ITGBL1: variants seen among roughly 807,000 people sequenced by gnomAD.
ITGBL1 encodes the protein integrin subunit beta like 1.
A neutral mutation model predicts 68.5 loss-of-function variants in ITGBL1; 51 were observed. The ratio of observed to expected loss-of-function variants is 0.74; its 90% CI spans 0.59 to 0.94. The LOEUF (loss-of-function observed/expected upper bound fraction) is 0.94. Among genes scored for constraint, ITGBL1 ranks in the 40% least tolerant of loss-of-function variants. The pLI, the probability that ITGBL1 is intolerant of heterozygous loss-of-function variation, is 0.00. For missense variants in ITGBL1, 649 were observed against 647.4 expected (o/e 1.00, Z -0.03); for synonymous variants, 209 against 227.3 (o/e 0.92, Z 0.72).
intron 7 of ITGBL1, among the ~76,000 whole-genome samples, chr13:101,625,897 C>T (rs2139397740): frequency 6.6e-6 from 1 of 152,298 alleles, no homozygotes; most frequent in African/African-American, 2.4e-5. Flanking sequence ...GCGTTAGACA[C>T]TGTTCTAAAG....
intron 2 of ITGBL1, among the ~76,000 whole-genome samples, chr13:101,537,953 A>T (rs146583360): frequency 1.2e-3 from 180 of 152,218 alleles, no homozygotes; most frequent in Middle Eastern, 6.8e-3. Context: ...ACATAGATTA[A>T]AAACTATGTT....
intron 7 of ITGBL1, among the ~76,000 whole-genome samples, chr13:101,654,362 G>A (rs1424355880): frequency 6.6e-6 from 1 of 152,160 alleles, no homozygotes; most frequent in Non-Finnish European, 1.5e-5. Flanking sequence ...GATGCCTCCA[G>A]GGACCCGAAG....
At chr13:101,596,486 T>G (rs1189682986) in intron 6 of ITGBL1, among the ~76,000 whole-genome samples, 1 of 152,168 alleles carries the variant, frequency 6.6e-6, no homozygotes, top group Non-Finnish European at 1.5e-5. Flanking sequence ...ATGTTTATTA[T>G]CTTGGTTGTG....
chr13:101,531,700 G>GTTATTTATTTTGTTAT (rs1428797895), intron 2 of ITGBL1, among the ~76,000 whole-genome samples: 155 of 140,044 alleles, frequency 1.1e-3, no homozygotes, highest in African/African-American at 1.6e-3. Flanking sequence ...TTTTTATTTT[G>GTTATTTATTTTGTTAT]TTATTTATTT....
intron 8 of ITGBL1, among the ~76,000 whole-genome samples, chr13:101,703,042 C>T (rs1041175564): frequency 6.6e-6 from 1 of 152,126 alleles, no homozygotes; most frequent in Non-Finnish European, 1.5e-5. Flanking sequence ...GTGTCTCAGG[C>T]ATTGTGTTAG....
chr13:101,602,239 C>A (rs1196323644), intron 7 of ITGBL1, among the ~76,000 whole-genome samples: 1 of 151,982 alleles, frequency 6.6e-6, no homozygotes, highest in Non-Finnish European at 1.5e-5. Context: ...TTTGAAAATT[C>A]ATTGTATAAA....
intron 8 of ITGBL1, among the ~76,000 whole-genome samples, chr13:101,701,552 A>G (rs912412295): frequency 6.6e-6 from 1 of 152,024 alleles, no homozygotes; most frequent in Non-Finnish European, 1.5e-5. Flanking sequence ...TAAAATAATA[A>G]TAAATAAATA....
chr13:101,580,295 G>A (rs2050433616), intron 5 of ITGBL1, among the ~76,000 whole-genome samples: 1 of 152,060 alleles, frequency 6.6e-6, no homozygotes, highest in Admixed American at 6.6e-5. Flanking sequence ...GTCAGAAATT[G>A]ACATAGAGGA....
At chr13:101,637,364 G>GAAATT (rs2032205488) in intron 7 of ITGBL1, among the ~76,000 whole-genome samples, 1 of 127,758 alleles carries the variant, frequency 7.8e-6, no homozygotes, top group Admixed American at 8.2e-5. Flanking sequence ...TTTTTTTTGA[G>GAAATT]ACAGAGTCTC....
chr13:101,495,581 A>G (rs1349956205), intron 2 of ITGBL1, among the ~76,000 whole-genome samples: 2 of 148,210 alleles, frequency 1.3e-5, no homozygotes, highest in South Asian at 2.1e-4. Flanking sequence ...GGGTCCCCAC[A>G]CTTTTTTTTT....
chr13:101,515,257 A>G (rs915829042), intron 2 of ITGBL1, among the ~76,000 whole-genome samples: 2 of 152,104 alleles, frequency 1.3e-5, no homozygotes. Flanking sequence ...GTAAAATACA[A>G]CTGATTCTAG....
At chr13:101,688,993 G>A (rs537004824) in intron 7 of ITGBL1, among the ~76,000 whole-genome samples, 101 of 151,672 alleles carry the variant, frequency 6.7e-4, no homozygotes, top group Middle Eastern at 3.4e-3. Context: ...GAGGCCAGGA[G>A]TTCAAAACCA....
downstream of ITGBL1, chr13:101,720,344 A>G (rs1213907731): frequency 1.3e-5 from 2 of 152,148 alleles, no homozygotes; most frequent in Non-Finnish European, 1.5e-5. Context: ...GACATCCTTC[A>G]TAGGGATAAA....
At chr13:101,606,971 T>C (rs2030896767) in intron 7 of ITGBL1, among the ~76,000 whole-genome samples, 1 of 152,052 alleles carries the variant, frequency 6.6e-6, no homozygotes, top group Non-Finnish European at 1.5e-5. Context: ...TTGTATTATA[T>C]ACATAATTTA....
intron 3 of ITGBL1, among the ~76,000 whole-genome samples, chr13:101,572,658 G>T (rs987907041): frequency 3.3e-5 from 5 of 152,068 alleles, no homozygotes; most frequent in African/African-American, 1.2e-4. Flanking sequence ...TGGAGGCTCC[G>T]TTGTGAATTC....
chr13:101,617,520 T>C (rs896881472), intron 7 of ITGBL1, among the ~76,000 whole-genome samples: 1 of 152,088 alleles, frequency 6.6e-6, no homozygotes, highest in Non-Finnish European at 1.5e-5. Flanking sequence ...ATCCTAGAAA[T>C]AATAGGAATA....
At chr13:101,518,222 A>C (rs1258617734) in intron 2 of ITGBL1, among the ~76,000 whole-genome samples, 1 of 152,170 alleles carries the variant, frequency 6.6e-6, no homozygotes, top group African/African-American at 2.4e-5. Flanking sequence ...TTCAATTATA[A>C]GGAACCATAA....
intron 6 of ITGBL1, among the ~76,000 whole-genome samples, chr13:101,586,401 C>G (rs1171114107): frequency 6.6e-6 from 1 of 152,152 alleles, no homozygotes; most frequent in Non-Finnish European, 1.5e-5. Flanking sequence ...TTGGCTCCCA[C>G]ACTTAGAATG....
rs992590801 is a variant in ITGBL1, at chr13:101,663,034, C to T, written c.1016-29551C>T. On this transcript the variant is annotated intron_variant, in intron 7 of 10. Transcript: ENST00000376180. ...TACTAGTGAATGGCAGAAGGTGTTT[C>T]TCTATCCTAGCTTCTTTAGGGAAAG... is the stretch of plus-strand genomic sequence containing the variant. Among the ~76,000 whole-genome samples the T allele has an allele frequency of 2.6e-5, 4 of 152,150 alleles. No homozygotes were observed. In the South Asian group the frequency reaches 8.3e-4, roughly 32 times the overall value.
Sources: gnomAD v4.1 joint callset for allele counts (sites outside exome capture counted in the v4.1 genomes callset) on GRCh38, gnomAD v4.1.1 for gene constraint, MANE v1.5 for transcripts, NCBI Gene and HGNC (gene_info 2026-07-23, HGNC 2026-07-21) for gene names.